The following SLC9B1 variants were observed in gnomAD, a reference collection of about 807,000 sequenced individuals.
SLC9B1 encodes the protein solute carrier family 9 member B1.
In SLC9B1, 32 loss-of-function variants were observed where a neutral mutation model predicts 51.7. That is an observed-to-expected ratio of 0.62 (90% confidence interval 0.47 to 0.83). The LOEUF (loss-of-function observed/expected upper bound fraction) is 0.83, where lower values mean the gene tolerates loss of function less well. SLC9B1 is among the 40% of genes least tolerant of loss of function. The probability of loss-of-function intolerance (pLI) is 0.00; values close to 1 mark genes in which losing one functional copy is unlikely to be tolerated. For missense variants in SLC9B1, 406 were observed against 613.2 expected, an observed-to-expected ratio of 0.66 and a Z score of 3.57; for synonymous variants, 145 against 212.7, an observed-to-expected ratio of 0.68 and a Z score of 2.77.
At chr4:103,002,706 C>A (rs189966422) in intron 1 of SLC9B1, among the ~76,000 whole-genome samples, 114 of 152,280 alleles carry the variant, frequency 7.5e-4, no homozygotes, top group Non-Finnish European at 8.8e-4. Context: ...GGGGATTATG[C>A]CAATAATGCT....
chr4:102,957,211 T>A (rs1218341686), intron 3 of SLC9B1, among the ~76,000 whole-genome samples: 5 of 152,126 alleles, frequency 3.3e-5, no homozygotes, highest in Non-Finnish European at 5.9e-5. Flanking sequence ...AACATATGCA[T>A]AATGGGAATT....
chr4:103,009,234 T>C (rs1379146596), intron 1 of SLC9B1, among the ~76,000 whole-genome samples: 1 of 152,258 alleles, frequency 6.6e-6, no homozygotes, highest in Admixed American at 6.5e-5. Context: ...TCACTTAATA[T>C]AAACAACTTG....
chr4:102,971,924 C>T (rs1400908961), intron 3 of SLC9B1, among the ~76,000 whole-genome samples: 2 of 151,994 alleles, frequency 1.3e-5, no homozygotes, highest in Non-Finnish European at 2.9e-5. Flanking sequence ...ATACACCCTC[C>T]TGAGACTAAA....
At chr4:102,978,641 G>A (rs1007647087) in intron 3 of SLC9B1, among the ~76,000 whole-genome samples, 2 of 152,110 alleles carry the variant, frequency 1.3e-5, no homozygotes, top group East Asian at 3.9e-4. Flanking sequence ...TTAGAATGGT[G>A]ATCATTAAAA....
chr4:102,997,953 C>CT, intron 1 of SLC9B1, among the ~76,000 whole-genome samples: 1 of 152,090 alleles, frequency 6.6e-6, no homozygotes, highest in East Asian at 1.9e-4. Context: ...ATAATAATAT[C>CT]TTTTTTACTT....
At chr4:102,959,933 A>T (rs1738012414) in intron 3 of SLC9B1, among the ~76,000 whole-genome samples, 2 of 152,202 alleles carry the variant, frequency 1.3e-5, no homozygotes, top group Admixed American at 1.3e-4. Flanking sequence ...CAACAAATCC[A>T]CATGACACAA....
At chr4:102,912,596 C>T (rs1380921595) in intron 7 of SLC9B1, among the ~76,000 whole-genome samples, 3 of 152,034 alleles carry the variant, frequency 2.0e-5, no homozygotes, top group Non-Finnish European at 4.4e-5. Flanking sequence ...CTAAATATAA[C>T]AGGCAGGGCA....
intron 11 of SLC9B1, among the ~76,000 whole-genome samples, chr4:102,902,032 C>A (rs1450799728): frequency 6.6e-6 from 1 of 152,292 alleles, no homozygotes; most frequent in East Asian, 1.9e-4. Flanking sequence ...CTCTCTCCCT[C>A]ACTCCTCATG....
intron 3 of SLC9B1, among the ~76,000 whole-genome samples, chr4:102,954,685 A>G (rs1237358488): frequency 6.6e-6 from 1 of 152,008 alleles, no homozygotes; most frequent in Non-Finnish European, 1.5e-5. Flanking sequence ...ATTTAAGAAC[A>G]TATGCCATTT....
In SLC9B1 at chr4:102,999,599, C is replaced by G. The variant is rs183879002; in HGVS notation, c.-1-7887G>C. ...TGACATTGTGTACAAATTGTACAGT[C>G]TCCAGATGATAACTTCTTTTGGAAA... On this transcript the variant is annotated intron_variant, in intron 1 of 11. Coordinates refer to ENST00000296422, the MANE Select transcript of SLC9B1 (RefSeq NM_139173.4). Among the ~76,000 whole-genome samples the G allele has an allele frequency of 2.0e-5, 3 of 152,280 alleles. No homozygotes were observed. In the East Asian group the frequency reaches 5.8e-4, roughly 29 times the overall value.
intron 1 of SLC9B1, among the ~76,000 whole-genome samples, chr4:103,016,508 C>T (rs1480916524): frequency 2.0e-5 from 3 of 151,962 alleles, no homozygotes; most frequent in Non-Finnish European, 2.9e-5. Context: ...TTGTACTAGT[C>T]AAGGCATATA....
chr4:102,965,979 C>T (rs1043474452), intron 3 of SLC9B1, among the ~76,000 whole-genome samples: 1 of 152,218 alleles, frequency 6.6e-6, no homozygotes, highest in African/African-American at 2.4e-5. Context: ...CGTGCTACCT[C>T]CTGGGCACAG....
intron 7 of SLC9B1, among the ~76,000 whole-genome samples, chr4:102,914,723 G>A (rs573772651): frequency 1.4e-4 from 22 of 152,296 alleles, no homozygotes; most frequent in African/African-American, 5.3e-4. Context: ...AATGAAGAGT[G>A]AAGACAGCCT....
intron 3 of SLC9B1, 105 bp downstream of exon 3, chr4:102,989,695 G>T: frequency 1.5e-6 from 1 of 672,358 alleles, no homozygotes; most frequent in Non-Finnish European, 2.3e-6. Context: ...CTGATCATCT[G>T]ATCTGGAGTA....
At chr4:102,987,589 TAAG>T (rs1739703025) in intron 3 of SLC9B1, among the ~76,000 whole-genome samples, 1 of 152,136 alleles carries the variant, frequency 6.6e-6, no homozygotes, top group Admixed American at 6.5e-5. Flanking sequence ...GCAGACTTTG[TAAG>T]AAGAACAGAA....
intron 3 of SLC9B1, among the ~76,000 whole-genome samples, chr4:102,981,447 G>C (rs1469264630): frequency 1.3e-5 from 2 of 152,134 alleles, no homozygotes; most frequent in Non-Finnish European, 2.9e-5. Flanking sequence ...CAAAGGGGCT[G>C]TACAGTTTGT....
chr4:102,886,770 C>T (rs1733945714), intron 11 of SLC9B1, among the ~76,000 whole-genome samples: 1 of 151,164 alleles, frequency 6.6e-6, no homozygotes, highest in African/African-American at 2.4e-5. Flanking sequence ...GTATGCACCA[C>T]GCCCAGCTAA....
At chr4:102,988,085 G>A (rs958067683) in intron 3 of SLC9B1, among the ~76,000 whole-genome samples, 5 of 152,068 alleles carry the variant, frequency 3.3e-5, no homozygotes, top group African/African-American at 1.2e-4. Context: ...AAATTTTAAT[G>A]GAGAAGTTCT....
In SLC9B1 at chr4:102,943,506, T is replaced by TATATACACACACACAC. The variant is rs1553982064; in HGVS notation, c.653+1686_653+1687insGTGTGTGTGTGTATAT. ...ATCTATGTGTATATATGTGTATGTA[T>TATATACACACACACAC]ACACACACACACACACACACACACA... On this transcript the variant is annotated intron_variant, in intron 6 of 11. Coordinates refer to ENST00000296422, the MANE Select transcript of SLC9B1 (RefSeq NM_139173.4). Among the ~76,000 whole-genome samples the TATATACACACACACAC allele has an allele frequency of 5.8e-4, 84 of 145,592 alleles. 1 individual carries two copies. The highest frequency in any genetic ancestry group is 2.1e-3 in the African/African-American group (81 of 39,076).
Sources: gnomAD v4.1 joint callset for allele counts (sites outside exome capture counted in the v4.1 genomes callset) on GRCh38, gnomAD v4.1.1 for gene constraint, MANE v1.5 for transcripts, NCBI Gene and HGNC (gene_info 2026-07-23, HGNC 2026-07-21) for gene names.